Variants in ALOX5 observed in about 807,000 individuals in gnomAD.
ALOX5 encodes arachidonate 5-lipoxygenase.
Under a neutral mutation model 87.9 loss-of-function variants are expected in ALOX5, and 64 were observed. The ratio of observed to expected loss-of-function variants is 0.73; its 90% CI spans 0.60 to 0.90. The LOEUF is 0.90. ALOX5 is among the 40% of genes least tolerant of loss of function. ALOX5 has a pLI of 0.00. For synonymous variants in ALOX5, 388 were observed against 355.1 expected (o/e 1.09, Z -1.04); for missense variants, 822 against 907.5 (o/e 0.91, Z 1.21).
At chr10:45,376,313 G>C (rs1017354990) in intron 1 of ALOX5, among the ~76,000 whole-genome samples, 4 of 134,132 alleles carry the variant, frequency 3.0e-5, no homozygotes, top group Non-Finnish European at 4.7e-5. Flanking sequence ...GGGTTGAGAG[G>C]GCTATAAGTC....
chr10:45,405,002 C>T (rs999012859), intron 3 of ALOX5, among the ~76,000 whole-genome samples: 17 of 152,208 alleles, frequency 1.1e-4, no homozygotes, highest in Non-Finnish European at 7.3e-5. Context: ...TAAACTGCTA[C>T]TATTTCTTGC....
At chr10:45,417,527 G>A (rs950751745) in intron 4 of ALOX5, among the ~76,000 whole-genome samples, 2 of 152,164 alleles carry the variant, frequency 1.3e-5, no homozygotes, top group Non-Finnish European at 2.9e-5. Flanking sequence ...CATCTCTCCT[G>A]AGTGAGGGCA....
chr10:45,395,989 C>G, intron 3 of ALOX5, 53 bp downstream of exon 3: 12 of 1,556,846 alleles, frequency 7.7e-6, no homozygotes, highest in Admixed American at 1.7e-5. Flanking sequence ...TCTTCTATCT[C>G]AAGAGCATGG....
intron 1 of ALOX5, among the ~76,000 whole-genome samples, chr10:45,382,170 G>A (rs191086173): frequency 2.0e-5 from 3 of 152,286 alleles, no homozygotes; most frequent in African/African-American, 4.8e-5. Context: ...GAAGTGACTC[G>A]GGAGGTAAGC....
chr10:45,375,230 T>G (rs566296277), intron 1 of ALOX5, among the ~76,000 whole-genome samples: 1 of 152,254 alleles, frequency 6.6e-6, no homozygotes, highest in South Asian at 2.1e-4. Flanking sequence ...CCACGCTAGG[T>G]GTGAGGACGC....
At chr10:45,415,664 T>C (rs1293120143) in intron 4 of ALOX5, among the ~76,000 whole-genome samples, 1 of 152,176 alleles carries the variant, frequency 6.6e-6, no homozygotes, top group Non-Finnish European at 1.5e-5. Context: ...AAGATGTCTT[T>C]AAGGGCATCA....
At chr10:45,441,566 G>C (rs552549405) in intron 9 of ALOX5, 136 bp downstream of exon 9, 1 of 817,772 alleles carries the variant, frequency 1.2e-6, no homozygotes, top group African/African-American at 1.7e-5. Flanking sequence ...ACTGGCTCCA[G>C]CATCCTCCTG....
At chr10:45,388,144 T>C (rs115846407) in intron 2 of ALOX5, among the ~76,000 whole-genome samples, 3,426 of 152,342 alleles carry the variant, frequency 0.022, 125 homozygotes, top group African/African-American at 0.078. Context: ...TTATATCCCA[T>C]GTCTGGCTCG....
chr10:45,432,296 G>T (rs952877752), intron 7 of ALOX5, among the ~76,000 whole-genome samples: 2 of 151,126 alleles, frequency 1.3e-5, no homozygotes, highest in Non-Finnish European at 2.9e-5. Flanking sequence ...GGAGTTTGAG[G>T]CTGCAGTGAG....
In ALOX5 at chr10:45,442,112, C is replaced by G. The variant is rs142044990; in HGVS notation, c.1272+682C>G. Among the ~76,000 whole-genome samples the G allele has an allele frequency of 5.6e-3, 860 of 152,336 alleles. 6 individuals carry two copies. Among genetic ancestry groups the G allele is most frequent in the Middle Eastern group, 0.034 (10 of 294 alleles). ...ACAAGACATGCCTTATCTCAAATACCTGGACACAATAGAGGGTCGGGGGCC... is the reference window on the plus strand; with the variant it reads ...ACAAGACATGCCTTATCTCAAATACGTGGACACAATAGAGGGTCGGGGGCC... On this transcript the variant is annotated intron_variant, in intron 9 of 13. Transcript: ENST00000374391.
chr10:45,440,397 T>C (rs1564448579), intron 7 of ALOX5, 33 bp from the exon 8 acceptor site: 10 of 1,600,328 alleles, frequency 6.2e-6, no homozygotes, highest in South Asian at 2.2e-5. Flanking sequence ...AAGTGAAATA[T>C]AGCAGTGTGT....
chr10:45,423,111 TG>T (rs1361690798), intron 4 of ALOX5, among the ~76,000 whole-genome samples: 3 of 152,156 alleles, frequency 2.0e-5, no homozygotes, highest in African/African-American at 7.2e-5. Context: ...CACATGAATT[TG>T]GGGAGCACAA....
At chr10:45,439,307 G>A (rs1052392769) in intron 7 of ALOX5, among the ~76,000 whole-genome samples, 1 of 152,136 alleles carries the variant, frequency 6.6e-6, no homozygotes, top group African/African-American at 2.4e-5. Flanking sequence ...CTTATAGCAA[G>A]TGACACAGCT....
At position 45,374,247 on chromosome 10, in the gene ALOX5, C is replaced by A. The variant is rs746772205; in HGVS notation, c.-33C>A. 1.4e-6 allele frequency: 2 copies of A among 1,452,276 alleles called. No homozygotes were observed. The allele number at this position is 1,452,276 out of a possible 1,614,324, so 90.0% of individuals were successfully genotyped here. On this transcript the variant is annotated 5_prime_UTR_variant, in exon 1 of 14. Coordinates refer to ENST00000374391, the MANE Select transcript of ALOX5 (RefSeq NM_000698.5). The stretch of plus-strand genomic sequence containing the variant: ...GGACACCTGGACCGCCGCGCCGAGG[C>A]TCCCGGCGCTCGCTGCTCCCGCGGC...
At chr10:45,442,646 A>G (rs1037191038) in intron 9 of ALOX5, 26 of 186,942 alleles carry the variant, frequency 1.4e-4, no homozygotes, top group Non-Finnish European at 1.7e-4. Context: ...GGTCCTGGAA[A>G]CTGAGGGTCA....
chr10:45,401,947 C>T (rs1436146443), intron 3 of ALOX5, among the ~76,000 whole-genome samples: 2 of 151,888 alleles, frequency 1.3e-5, no homozygotes, highest in African/African-American at 2.4e-5. Flanking sequence ...ATTAGCCGGG[C>T]GTGGTGGCGG....
rs199817580 is a variant in ALOX5, at chr10:45,441,376, A to G, written c.1218A>G (p.Ala406=). The G allele has an allele frequency of 1.1e-5, 17 of 1,613,580 alleles. No homozygotes were observed. The Admixed American group carries it at 1.8e-4, about 17-fold the overall frequency. ...LLVAHVRFTI[A]INTKAREQLI... ...TGGCACACGTGAGATTCACCATTGC[A>G]ATCAACACCAAGGCCCGTGAGCAGC... Residue 406 remains alanine, a synonymous_variant, in exon 9 of 14, where the codon GCA becomes GCG. Coordinates refer to ENST00000374391, the MANE Select transcript of ALOX5 (RefSeq NM_000698.5).
chr10:45,377,492 C>G (rs1004572127), intron 1 of ALOX5, among the ~76,000 whole-genome samples: 1 of 152,092 alleles, frequency 6.6e-6, no homozygotes, highest in African/African-American at 2.4e-5. Flanking sequence ...CTTCTCTGCT[C>G]CCTCAATCTC....
At chr10:45,445,236 C>T (rs1003345071) in intron 13 of ALOX5, among the ~76,000 whole-genome samples, 3 of 152,244 alleles carry the variant, frequency 2.0e-5, no homozygotes, top group Admixed American at 6.5e-5. Context: ...TCATCTGCAT[C>T]ATCTCGTAAC....
Sources: allele counts gnomAD v4.1 joint callset (sites outside exome capture counted in the v4.1 genomes callset), GRCh38; gene constraint gnomAD v4.1.1; transcripts MANE v1.5; gene names NCBI Gene and HGNC (gene_info 2026-07-23, HGNC 2026-07-21).